The following NSD1 variants were observed in gnomAD, a reference collection of about 807,000 sequenced individuals.
NSD1 encodes histone-lysine N-methyltransferase, H3 lysine-36 specific.
NSD1 carries 26 observed loss-of-function variants against 242.7 expected under a neutral mutation model. That is an observed-to-expected ratio of 0.11 (90% CI 0.08 to 0.15). The LOEUF (loss-of-function observed/expected upper bound fraction) is 0.15, where lower values mean the gene tolerates loss of function less well. NSD1 is among the 10% of genes least tolerant of loss of function. NSD1 has a pLI of 1.00. For synonymous variants in NSD1, 1,106 were observed against 1,178.1 expected (o/e 0.94, Z 1.25); for missense variants, 2,495 against 3,272.8 (o/e 0.76, Z 5.80).
chr5:177,212,322 C>T, intron 5 of NSD1, 127 bp downstream of exon 5: 1 of 909,718 alleles, frequency 1.1e-6, no homozygotes, highest in East Asian at 2.6e-5. Context: ...ATCATCACTT[C>T]AATGAAGAAG....
At chr5:177,244,027 C>G (rs570748013) in intron 8 of NSD1, among the ~76,000 whole-genome samples, 168 bp from the exon 9 acceptor site, 1 of 152,266 alleles carries the variant, frequency 6.6e-6, no homozygotes, top group East Asian at 1.9e-4. Context: ...TCCTTTCCCC[C>G]TGAAGTTTCC....
chr5:177,164,522 T>TA (rs1759023564), intron 2 of NSD1, among the ~76,000 whole-genome samples: 1 of 152,190 alleles, frequency 6.6e-6, no homozygotes, highest in African/African-American at 2.4e-5. Flanking sequence ...TTGTAATCGT[T>TA]TATTAACAAT....
At chr5:177,171,633 C>T (rs1759719518) in intron 2 of NSD1, among the ~76,000 whole-genome samples, 1 of 152,100 alleles carries the variant, frequency 6.6e-6, no homozygotes, top group Non-Finnish European at 1.5e-5. Flanking sequence ...TCCTTTCCTC[C>T]CTTTGTCTAT....
intron 4 of NSD1, among the ~76,000 whole-genome samples, chr5:177,205,854 C>T (rs1291867966): frequency 1.3e-5 from 2 of 151,998 alleles, no homozygotes; most frequent in Admixed American, 6.6e-5. Context: ...ACGGGGGTCT[C>T]TCTATGTTGT....
intron 5 of NSD1, among the ~76,000 whole-genome samples, chr5:177,229,374 G>C (rs1395112951): frequency 6.6e-6 from 1 of 152,178 alleles, no homozygotes; most frequent in Non-Finnish European, 1.5e-5. Context: ...GGGCATATTT[G>C]CTGAGAACCT....
At chr5:177,156,868 G>T (rs2149783655) in intron 2 of NSD1, among the ~76,000 whole-genome samples, 1 of 150,842 alleles carries the variant, frequency 6.6e-6, no homozygotes, top group South Asian at 2.1e-4. Flanking sequence ...CCCCGTCTTA[G>T]GCTGAGGCAG....
At chr5:177,271,224 A>G (rs1015490174) in intron 16 of NSD1, among the ~76,000 whole-genome samples, 22 of 152,142 alleles carry the variant, frequency 1.4e-4, no homozygotes, top group African/African-American at 5.3e-4. Context: ...TTGTGGCAGA[A>G]GTGTGTATTG....
At chr5:177,222,965 C>A (rs773501577) in intron 5 of NSD1, among the ~76,000 whole-genome samples, 1 of 152,040 alleles carries the variant, frequency 6.6e-6, no homozygotes, top group Non-Finnish European at 1.5e-5. Flanking sequence ...ATGTTTTCTT[C>A]TAAAACCTTT....
At chr5:177,209,240 A>T (rs1280622310) in intron 4 of NSD1, among the ~76,000 whole-genome samples, 4 of 151,644 alleles carry the variant, frequency 2.6e-5, no homozygotes, top group Non-Finnish European at 5.9e-5. Flanking sequence ...AAAGCTTCTG[A>T]TTTCAGGCCG....
rs1301366340 is a variant in NSD1 at position 177,292,247 on chromosome 5, C to G, written c.6463+89C>G. Reference sequence around the variant, plus strand: ...ATTTGCATCAGCCTTGAAGAAAGTGCCATTTGGTCTTTCCATGCATAATTT... The same window carrying G: ...ATTTGCATCAGCCTTGAAGAAAGTGGCATTTGGTCTTTCCATGCATAATTT... On this transcript the variant is annotated intron_variant, in intron 22 of 22. Coordinates refer to ENST00000439151, the MANE Select transcript of NSD1 (RefSeq NM_022455.5). 91 of 1,337,614 alleles carry G rather than the reference C, an allele frequency of 6.8e-5. 2 individuals are homozygous for G. In the South Asian group the frequency reaches 7.7e-4, roughly 11 times the overall value. The allele number at this position is 1,337,614 out of a possible 1,614,324, so 82.9% of individuals were successfully genotyped here.
In NSD1 at chr5:177,211,475, C is replaced by G; in HGVS notation, c.3076C>G (p.Pro1026Ala). The G allele has an allele frequency of 6.2e-7, 1 of 1,614,116 alleles. No individual in the cohort carries two copies. Among genetic ancestry groups the G allele is most frequent in the Non-Finnish European group, 8.5e-7 (1 of 1,180,034 alleles). The change falls in exon 5 of 23, where the codon CCT becomes GCT. Residue 1026 changes from proline (P) to alanine (A), a missense_variant. By Grantham distance (27) the Pro-to-Ala change is conservative. Transcript: ENST00000439151. Reference protein sequence around the residue: ...VTRRNCGRSKPSSKLRDAFSA... With the variant: ...VTRRNCGRSKASSKLRDAFSA... ...TAGGCGCAACTGTGGACGATCAAAG[C>G]CTTCATCCAAATTGCGAGATGCTTT...
chr5:177,181,042 CTTTT>C (rs549075279), intron 2 of NSD1, among the ~76,000 whole-genome samples: 2 of 126,962 alleles, frequency 1.6e-5, no homozygotes, highest in East Asian at 4.6e-4. Context: ...AATGTGGTTT[CTTTT>C]TTTTTTTTTT....
At chr5:177,186,921 C>G (rs1171026289) in intron 2 of NSD1, among the ~76,000 whole-genome samples, 1 of 151,528 alleles carries the variant, frequency 6.6e-6, no homozygotes, top group Non-Finnish European at 1.5e-5. Flanking sequence ...GGCTGTGTCT[C>G]AAAAAACAAA....
intron 2 of NSD1, among the ~76,000 whole-genome samples, chr5:177,157,381 T>TAAAA (rs149135688): frequency 0.026 from 3,859 of 151,320 alleles, 48 homozygotes; most frequent in African/African-American, 0.029. Flanking sequence ...AAAAAAAAAA[T>TAAAA]ATATAATTCA....
At chr5:177,167,489 C>T (rs986619699) in intron 2 of NSD1, among the ~76,000 whole-genome samples, 6 of 151,840 alleles carry the variant, frequency 4.0e-5, no homozygotes, top group African/African-American at 1.2e-4. Flanking sequence ...GAGCCGAGAT[C>T]GCGCCATTGC....
rs142920044 is a variant in NSD1 at position 177,180,987 on chromosome 5, G to A, written c.928-10897G>A. On this transcript the variant is annotated intron_variant, in intron 2 of 22. Coordinates refer to ENST00000439151, the MANE Select transcript of NSD1 (RefSeq NM_022455.5). ...TGAGCCACCGTGCCCGGCTGATGAT[G>A]ATATTTTAACAGATGAAGAGTTGCA... 9.2e-3 allele frequency among the ~76,000 whole-genome samples: 1,396 copies of A among 151,002 alleles called. 20 individuals carry two copies. The highest frequency in any genetic ancestry group is 0.032 in the African/African-American group (1,325 of 41,160).
intron 13 of NSD1, 140 bp from the exon 14 acceptor site, chr5:177,259,849 T>G: frequency 1.1e-6 from 1 of 902,156 alleles, no homozygotes; most frequent in East Asian, 2.6e-5. Context: ...ATCGAGTGTT[T>G]AAGATCCATC....
chr5:177,289,658 C>T lies in NSD1; in HGVS notation c.6258+733C>T, dbSNP rs114769333. On this transcript the variant is annotated intron_variant, in intron 21 of 22. Transcript: ENST00000439151. ...GTTTAAGCTTCTAAATGTAGCATAA[C>T]ATCATAGATAAAAGTAGAACTCTTA... Among the ~76,000 whole-genome samples the T allele has an allele frequency of 4.3e-3, 651 of 152,248 alleles. 3 individuals carry two copies. The highest frequency in any genetic ancestry group is 0.014 in the African/African-American group (595 of 41,546).
rs565916924 is a variant in NSD1, at chr5:177,190,358, C to A, written c.928-1526C>A. ...GCAGTGGCGCAATCTTGGCTCACTG[C>A]AACCTCTGCCTCCCTGGTTCAAGCA... On this transcript the variant is annotated intron_variant, in intron 2 of 22. Transcript: ENST00000439151. Among the ~76,000 whole-genome samples, 26 of 152,308 alleles carry A rather than the reference C, an allele frequency of 1.7e-4. No homozygotes were observed. The South Asian group carries it at 5.0e-3, about 29-fold the overall frequency.
Sources: allele counts gnomAD v4.1 joint callset (sites outside exome capture counted in the v4.1 genomes callset), GRCh38; gene constraint gnomAD v4.1.1; transcripts MANE v1.5; gene names NCBI Gene and HGNC (gene_info 2026-07-23, HGNC 2026-07-21).